The following CPT1C variants were observed in gnomAD, a reference collection of about 807,000 sequenced individuals.
CPT1C encodes the protein palmitoyl thioesterase CPT1C.
Under a neutral mutation model 97.3 loss-of-function variants are expected in CPT1C, and 61 were observed. The ratio of observed to expected loss-of-function variants is 0.63; its 90% CI spans 0.51 to 0.78. The LOEUF is 0.78. Among genes scored for constraint, CPT1C ranks in the 30% least tolerant of loss-of-function variants. The pLI, the probability that CPT1C is intolerant of heterozygous loss-of-function variation, is 0.00. For missense variants in CPT1C, 975 were observed against 1,065.5 expected (o/e 0.92, Z 1.18); for synonymous variants, 469 against 447.2 (o/e 1.05, Z -0.61).
At position 49,706,453 on chromosome 19, in the gene CPT1C, C is replaced by G. The variant is rs998684440; in HGVS notation, c.1343+40C>G. The stretch of plus-strand genomic sequence containing the variant: ...GGATGGGGCCCCCAGATGTGGCACC[C>G]GAGAATCCAGTATCAGACCTAGGAC... On this transcript the variant is annotated intron_variant, in intron 12 of 19. Coordinates refer to ENST00000598293, the MANE Select transcript of CPT1C (RefSeq NM_001199753.2). This position sits in a 1 kb window ranked among gnomAD's most constrained non-coding sequence, Gnocchi z 4.8. 7.0e-7 allele frequency: 1 copy of G among 1,421,620 alleles called. No individual in the cohort carries two copies. Among genetic ancestry groups the G allele is most frequent in the African/African-American group, 1.5e-5 (1 of 66,668 alleles). The allele number at this position is 1,421,620 out of a possible 1,614,324, so 88.1% of individuals were successfully genotyped here.
Position 49,706,014 on chromosome 19 carries a change from C to T in CPT1C, c.1070C>T (p.Ala357Val). The change falls in exon 11 of 20, where the codon GCC becomes GTC. Residue 357 changes from alanine (A) to valine (V), a missense_variant. By Grantham distance (64) the Ala-to-Val change is moderately conservative. Transcript: ENST00000598293. This position sits in a 1 kb window ranked among gnomAD's most constrained non-coding sequence, Gnocchi z 4.8. ...HSRNSLLSPR[A>V]LEQQFQRILD... is the part of the protein sequence containing the mutation. Reference sequence around the variant, plus strand: ...CGAAACAGCCTGCTTTCCCCGAGAGCCCTGGAGCAGCAGTTTCAGAGAATC... The same window carrying T: ...CGAAACAGCCTGCTTTCCCCGAGAGTCCTGGAGCAGCAGTTTCAGAGAATC... 1 of 1,614,054 alleles carries T rather than the reference C, an allele frequency of 6.2e-7. No individual in the cohort carries two copies. Among genetic ancestry groups the T allele is most frequent in the South Asian group, 1.1e-5 (1 of 91,064 alleles).
chr19:49,713,217 G>T, intron 19 of CPT1C, 153 bp downstream of exon 19: 1 of 711,852 alleles, frequency 1.4e-6, no homozygotes. Context: ...TCCTCCCTCA[G>T]ACCCGGGAGT....
In CPT1C at chr19:49,713,623, C is replaced by T. The variant is rs752187925; in HGVS notation, c.*18C>T. 4.4e-6 allele frequency: 7 copies of T among 1,596,462 alleles called. No homozygotes were observed. In the Admixed American group the frequency reaches 1.0e-4, roughly 24 times the overall value. On this transcript the variant is annotated 3_prime_UTR_variant, in exon 20 of 20. Coordinates refer to ENST00000598293, the MANE Select transcript of CPT1C (RefSeq NM_001199753.2). ...ACTTCTGACTCCTTCCAGCAGGCAG[C>T]TGGCCTCTCCAAGGAATAAGGGTGA...
rs1157216974 is a variant in CPT1C, at chr19:49,713,034, C to T, written c.2196C>T (p.His732=). 4 of 1,614,044 alleles carry T rather than the reference C, an allele frequency of 2.5e-6. No homozygotes were observed. In the East Asian group the frequency reaches 6.7e-5, roughly 27 times the overall value. ...IFMGDGMITF[H]ISSKKSSTKT... ...TGGGGGATGGCATGATCACCTTCCA[C>T]ATCTCCAGCAAAAAATCAAGCACAA... Residue 732 remains histidine, a synonymous_variant, in exon 19 of 20, where the codon CAC becomes CAT. Coordinates refer to ENST00000598293, the MANE Select transcript of CPT1C (RefSeq NM_001199753.2).
At position 49,708,266 on chromosome 19, in the gene CPT1C, A is replaced by G. The variant is rs536095825; in HGVS notation, c.1450-457A>G. On this transcript the variant is annotated intron_variant, in intron 13 of 19. Coordinates refer to ENST00000598293, the MANE Select transcript of CPT1C (RefSeq NM_001199753.2). ...TTGGGAGGTCAAGGCAGGAAGATCA[A>G]TTGAGCCCAGGAGTTTGAGACTAGC... is the stretch of plus-strand genomic sequence containing the variant. Among the ~76,000 whole-genome samples, 4 of 152,120 alleles carry G rather than the reference A, an allele frequency of 2.6e-5. No individual in the cohort carries two copies. The East Asian group carries it at 5.8e-4, about 22-fold the overall frequency.
chr19:49,705,853 C>G (rs531934768), intron 10 of CPT1C, 56 bp from the exon 11 acceptor site: 176 of 1,486,434 alleles, frequency 1.2e-4, no homozygotes, highest in Non-Finnish European at 1.5e-4. Context: ...TAAATGGTCA[C>G]TATTTTTATG....
intron 3 of CPT1C, among the ~76,000 whole-genome samples, chr19:49,695,343 G>A (rs770065399): frequency 1.2e-4 from 18 of 147,296 alleles, no homozygotes; most frequent in African/African-American, 1.3e-4. Flanking sequence ...GATTGCAATG[G>A]CATGATCTTG....
intron 3 of CPT1C, chr19:49,696,457 T>TTTTC: frequency 2.5e-5 from 1 of 40,774 alleles, no homozygotes; most frequent in Non-Finnish European, 4.4e-5. Flanking sequence ...TTTTCTTTTC[T>TTTTC]TTTTTTTTTT....
intron 7 of CPT1C, among the ~76,000 whole-genome samples, chr19:49,702,486 C>T (rs945868968): frequency 6.6e-6 from 1 of 151,462 alleles, no homozygotes; most frequent in African/African-American, 2.4e-5. Flanking sequence ...GGTCTGGTGG[C>T]GCACACGCCT....
At chr19:49,692,173 G>C (rs2082390012) in intron 2 of CPT1C, 66 bp from the exon 3 acceptor site, 7 of 1,556,270 alleles carry the variant, frequency 4.5e-6, no homozygotes, top group Non-Finnish European at 6.1e-6. Context: ...AGGGGCTGGG[G>C]GCCTGGACTC....
chr19:49,701,817 A>G (rs2083079265), intron 7 of CPT1C, among the ~76,000 whole-genome samples, 183 bp downstream of exon 7: 1 of 128,716 alleles, frequency 7.8e-6, no homozygotes, highest in East Asian at 2.0e-4. Context: ...CCACATTTAT[A>G]TATATATAAA....
chr19:49,710,558 G>A (rs768687693), intron 15 of CPT1C, 74 bp downstream of exon 15: 12 of 1,582,730 alleles, frequency 7.6e-6, no homozygotes, highest in South Asian at 3.3e-5. Flanking sequence ...GCCCCTCCAC[G>A]GTTCCTTGTG....
chr19:49,709,352 A>C (rs1264361805), intron 14 of CPT1C, among the ~76,000 whole-genome samples: 2 of 143,572 alleles, frequency 1.4e-5, no homozygotes, highest in African/African-American at 5.2e-5. Context: ...CATACCCCAC[A>C]CCAACCCCAT....
intron 3 of CPT1C, among the ~76,000 whole-genome samples, chr19:49,693,496 T>G (rs1411463565): frequency 6.6e-6 from 1 of 152,202 alleles, no homozygotes; most frequent in Non-Finnish European, 1.5e-5. Flanking sequence ...AAATTAATTC[T>G]TCTATGTCCT....
At chr19:49,711,588 G>C in intron 16 of CPT1C, 1 of 574,994 alleles carries the variant, frequency 1.7e-6, no homozygotes, top group South Asian at 2.1e-5. Context: ...TTGGACTCTG[G>C]GGCCAGACAC....
Position 49,707,724 on chromosome 19 carries a change from C to T in CPT1C, c.1449+101C>T, listed in dbSNP as rs2005152. 804 of 720,172 alleles carry T rather than the reference C, an allele frequency of 1.1e-3. 5 individuals carry two copies. The African/African-American group carries it at 0.013, about 11-fold the overall frequency. 44.6% of individuals were successfully genotyped at this position (720,172 alleles called of 1,614,324 possible). On this transcript the variant is annotated intron_variant, in intron 13 of 19. Coordinates refer to ENST00000598293, the MANE Select transcript of CPT1C (RefSeq NM_001199753.2). ...GTCAGAAGAAAAACTGAGGCTTGGCCGGGCACGGTGGTTCATGCCTGTAAT... is the reference window on the plus strand; with the variant it reads ...GTCAGAAGAAAAACTGAGGCTTGGCTGGGCACGGTGGTTCATGCCTGTAAT...
In CPT1C at chr19:49,705,957, G is replaced by A. The variant is rs373239966; in HGVS notation, c.1013G>A (p.Arg338Gln). 83 of 1,613,608 alleles carry A rather than the reference G, an allele frequency of 5.1e-5. No individual in the cohort carries two copies. The highest frequency in any genetic ancestry group is 1.7e-4 in the Middle Eastern group (1 of 6,060). ...AGCCAACACGTGGCTGTCTTCCACCGGGGCCGATTCTTCCGCATGGGGACC... is the reference window on the plus strand; with the variant it reads ...AGCCAACACGTGGCTGTCTTCCACCAGGGCCGATTCTTCCGCATGGGGACC... ...HDSQHVAVFHRGRFFRMGTHS... is the reference protein window; with the variant it reads ...HDSQHVAVFHQGRFFRMGTHS... The change falls in exon 11 of 20, where the codon CGG (arginine) becomes CAG (glutamine). Residue 338 changes from arginine (R) to glutamine (Q), a missense_variant. Transcript: ENST00000598293.
rs749973168 is a variant in CPT1C at position 49,705,130 on chromosome 19, T to C, written c.879+16T>C. On this transcript the variant is annotated intron_variant, in intron 9 of 19. Coordinates refer to ENST00000598293, the MANE Select transcript of CPT1C (RefSeq NM_001199753.2). ...GATACCCCCGGTGAGAGGGCCCCAGTGGGTTAGGGATGGAGGTGTGGTCCT... is the reference window on the plus strand; with the variant it reads ...GATACCCCCGGTGAGAGGGCCCCAGCGGGTTAGGGATGGAGGTGTGGTCCT... 6.2e-7 allele frequency: 1 copy of C among 1,613,084 alleles called. No individual in the cohort carries two copies. The highest frequency in any genetic ancestry group is 1.7e-5 in the Admixed American group (1 of 59,970).
Position 49,710,364 on chromosome 19 carries a change from G to A in CPT1C, c.1611G>A (p.Leu537=), listed in dbSNP as rs773944981. Residue 537 remains leucine, a synonymous_variant, in exon 15 of 20, where the codon TTG becomes TTA. Transcript: ENST00000598293. The part of the protein sequence containing the change: ...ISLALRGAKI[L]SENVDCHVVP... ...TAGCCCTGAGGGGAGCCAAGATCTT[G>A]TCTGAAAATGTCGACTGCCATGTCG... The A allele has an allele frequency of 2.7e-5, 44 of 1,614,008 alleles. No homozygotes were observed. In the East Asian group the frequency reaches 9.8e-4, roughly 36 times the overall value.
Sources: allele counts gnomAD v4.1 joint callset (sites outside exome capture counted in the v4.1 genomes callset), GRCh38; gene constraint gnomAD v4.1.1; non-coding constraint Gnocchi (gnomAD v3.1); transcripts MANE v1.5; gene names NCBI Gene and HGNC (gene_info 2026-07-23, HGNC 2026-07-21).